The following TUBGCP2 variants were observed in gnomAD, a reference collection of about 807,000 sequenced individuals.
The protein encoded by TUBGCP2 is tubulin gamma complex component 2, also known as gamma-tubulin complex component 2.
In TUBGCP2, 55 loss-of-function variants were observed where a neutral mutation model predicts 92.2. That is an observed-to-expected ratio of 0.60 (90% CI 0.48 to 0.75). The LOEUF (loss-of-function observed/expected upper bound fraction) is 0.75. TUBGCP2 is among the 30% of genes least tolerant of loss of function. TUBGCP2 has a pLI of 0.00. For missense variants in TUBGCP2, 1,093 were observed against 1,188.9 expected, an observed-to-expected ratio of 0.92 and a Z score of 1.19; for synonymous variants, 533 against 505.2, an observed-to-expected ratio of 1.06 and a Z score of -0.74.
intron 5 of TUBGCP2, among the ~76,000 whole-genome samples, chr10:133,297,043 C>A (rs992394965): frequency 6.6e-6 from 1 of 152,148 alleles, no homozygotes; most frequent in Non-Finnish European, 1.5e-5. Flanking sequence ...TTTGGACTAA[C>A]GGGGATGGGG....
At position 133,281,484 on chromosome 10, in the gene TUBGCP2, G is replaced by A. The variant is rs768027231; in HGVS notation, c.2410-48C>T. ...TGAGCCATGCCCACCCCCACCGTGG[G>A]CCTTCTTGGCTCCACACTGTTCCCA... On this transcript the variant is annotated intron_variant, in intron 16 of 17. Coordinates refer to ENST00000252936, the MANE Select transcript of TUBGCP2 (RefSeq NM_006659.4). The A allele has an allele frequency of 2.5e-6, 4 of 1,594,874 alleles. No homozygotes were observed. The African/African-American group carries it at 4.0e-5, about 16-fold the overall frequency.
At chr10:133,281,599 CA>C in intron 16 of TUBGCP2, 163 bp from the exon 17 acceptor site, 1 of 953,826 alleles carries the variant, frequency 1.0e-6, no homozygotes, top group Non-Finnish European at 1.5e-6. Context: ...AAAAAGACAT[CA>C]AAAAACATTC....
intron 9 of TUBGCP2, 99 bp from the exon 10 acceptor site, chr10:133,289,119 G>T: frequency 7.4e-7 from 1 of 1,360,278 alleles, no homozygotes; most frequent in East Asian, 2.4e-5. Context: ...GACATTGAAT[G>T]GGCTCTCCAC....
chr10:133,308,863 CG>C lies in TUBGCP2; in HGVS notation c.-81del. The C allele has an allele frequency of 8.7e-7, 1 of 1,155,246 alleles. No individual in the cohort carries two copies. The highest frequency in any genetic ancestry group is 1.1e-6 in the Non-Finnish European group (1 of 927,584). The allele number at this position is 1,155,246 out of a possible 1,614,324, so 71.6% of individuals were successfully genotyped here. A position where few individuals can be genotyped will look rare whatever the true frequency, so the allele number is the denominator to read the frequency against. Reference sequence around the variant, plus strand: ...ACAGCCCCCGCGCAGCCCCCGACGGCGGCGGAAGTGAGCGTGACGTCACGTC... The same window carrying C: ...ACAGCCCCCGCGCAGCCCCCGACGGCGCGGAAGTGAGCGTGACGTCACGTC... On this transcript the variant is annotated 5_prime_UTR_variant, in exon 1 of 18. Transcript: ENST00000252936.
chr10:133,280,510 T>TTA (rs891297548), intron 17 of TUBGCP2, among the ~76,000 whole-genome samples: 3 of 151,940 alleles, frequency 2.0e-5, no homozygotes, highest in Non-Finnish European at 4.4e-5. Context: ...CCAGGCTAGG[T>TTA]GTTAGTGCAG....
upstream of TUBGCP2, chr10:133,310,550 C>T (rs892406871): frequency 2.8e-5 from 14 of 495,430 alleles, no homozygotes; most frequent in African/African-American, 1.6e-4. Flanking sequence ...TGGGAATGAG[C>T]GGGCGCAGCG....
chr10:133,296,721 C>T (rs992548066), intron 5 of TUBGCP2, among the ~76,000 whole-genome samples: 17 of 152,210 alleles, frequency 1.1e-4, no homozygotes, highest in Admixed American at 9.2e-4. Context: ...AAGGAATCCA[C>T]GCACCTCACC....
intron 9 of TUBGCP2, 102 bp from the exon 10 acceptor site, chr10:133,289,122 C>T: frequency 7.5e-7 from 1 of 1,329,980 alleles, no homozygotes; most frequent in South Asian, 1.4e-5. Context: ...ATTGAATGGG[C>T]TCTCCACACG....
upstream of TUBGCP2, chr10:133,309,235 G>T (rs1038483526): frequency 1.0e-6 from 1 of 975,284 alleles, no homozygotes; most frequent in Non-Finnish European, 1.3e-6. Flanking sequence ...GACCTGAGGT[G>T]GTGGGGCGGG....
At chr10:133,294,394 C>T (rs1847442707) in intron 5 of TUBGCP2, among the ~76,000 whole-genome samples, 1 of 152,214 alleles carries the variant, frequency 6.6e-6, no homozygotes. Context: ...GAGGGCCTGA[C>T]AGGGCCCCGT....
chr10:133,283,970 A>G lies in TUBGCP2; in HGVS notation c.2057T>C (p.Met686Thr). 1.2e-6 allele frequency: 2 copies of G among 1,614,110 alleles called. No homozygotes were observed. Among genetic ancestry groups the G allele is most frequent in the Non-Finnish European group, 1.7e-6 (2 of 1,179,988 alleles). ...FAGAFTLRQRMLNFVQNIQYY... is the reference protein window; with the variant it reads ...FAGAFTLRQRTLNFVQNIQYY... ...TTGAATATTCTGGACGAAGTTGAGC[A>G]TTCGCTGCCGCAGAGTGAAAGCCCC... The change falls in exon 14 of 18, where the codon ATG becomes ACG. Residue 686 changes from methionine to threonine, a missense_variant. Met to Thr is a moderately conservative substitution (Grantham distance 81). This residue lies in a region of TUBGCP2 where 598 missense variants were observed against 675.5 expected (regional missense o/e 0.89). Transcript: ENST00000252936.
At position 133,288,917 on chromosome 10, in the gene TUBGCP2, G is replaced by A. The variant is rs750329170; in HGVS notation, c.1464C>T (p.Ile488=). ...TLKERAYVEQ[I]EKAFNYASKV... is the part of the protein sequence containing the mutation. Reference sequence around the variant, plus strand: ...TGCTGGCGTAGTTAAACGCCTTCTCGATCTGCTCCACATACGCCCGCTCTT... The same window carrying A: ...TGCTGGCGTAGTTAAACGCCTTCTCAATCTGCTCCACATACGCCCGCTCTT... Residue 488 remains isoleucine (I), a synonymous_variant, in exon 10 of 18, where the codon ATC becomes ATT. Transcript: ENST00000252936. 34 of 1,614,088 alleles carry A rather than the reference G, an allele frequency of 2.1e-5. No homozygotes were observed. Among genetic ancestry groups the A allele is most frequent in the Non-Finnish European group, 2.6e-5 (31 of 1,180,040 alleles).
intron 1 of TUBGCP2, 26 bp downstream of exon 1, chr10:133,308,797 C>G (rs973725421): frequency 2.6e-5 from 15 of 585,148 alleles, no homozygotes; most frequent in Non-Finnish European, 3.6e-5. Context: ...TCATCACGCC[C>G]GCGCCCGCGT....
chr10:133,283,692 T>TCGCCCCTCG (rs1847049635), intron 14 of TUBGCP2, among the ~76,000 whole-genome samples, 190 bp downstream of exon 14: 1 of 7,414 alleles, frequency 1.3e-4, no homozygotes, highest in South Asian at 4.8e-3. Flanking sequence ...TCTCCCGCAT[T>TCGCCCCTCG]CCCTGCCTCT....
rs1255295508 is a variant in TUBGCP2 at position 133,284,013 on chromosome 10, C to T, written c.2025-11G>A. On this transcript the variant is annotated splice_polypyrimidine_tract_variant and intron_variant, in intron 13 of 17. Transcript: ENST00000252936. ...AAAGCCCCAGCAAACCTGAGTGACA[C>T]GGAGGACGGAGGACAGCCATGGAGG... is the stretch of plus-strand genomic sequence containing the variant. 9.3e-6 allele frequency: 15 copies of T among 1,612,092 alleles called. No individual in the cohort carries two copies. Among genetic ancestry groups the T allele is most frequent in the Middle Eastern group, 1.8e-4 (1 of 5,576 alleles).
At position 133,293,308 on chromosome 10, in the gene TUBGCP2, G is replaced by A. The variant is rs2136126639; in HGVS notation, c.825-70C>T. The A allele has an allele frequency of 1.9e-6, 3 of 1,543,958 alleles. No homozygotes were observed. In the East Asian group the frequency reaches 6.8e-5, roughly 35 times the overall value. ...GCACATACAATGTCCGATATTCTGA[G>A]TCTCATCCCAAACAGGAAGCAAATG... is the stretch of plus-strand genomic sequence containing the variant. On this transcript the variant is annotated intron_variant, in intron 6 of 17. Coordinates refer to ENST00000252936, the MANE Select transcript of TUBGCP2 (RefSeq NM_006659.4).
chr10:133,309,109 AAG>A (rs770617957), upstream of TUBGCP2: 16 of 1,321,094 alleles, frequency 1.2e-5, no homozygotes, highest in Admixed American at 3.6e-5. Context: ...GCGTGAGCAA[AAG>A]AGGGAAAAAG....
At chr10:133,286,263 G>A (rs1847131826) in intron 11 of TUBGCP2, among the ~76,000 whole-genome samples, 1 of 152,078 alleles carries the variant, frequency 6.6e-6, no homozygotes, top group Admixed American at 6.6e-5. Flanking sequence ...AGACAGCAGC[G>A]TCCTGAGACT....
At chr10:133,310,666 C>T (rs550153154), upstream of TUBGCP2, 24 of 256,068 alleles carry the variant, frequency 9.4e-5, no homozygotes, top group African/African-American at 3.8e-4. Flanking sequence ...CTCCTGCAGC[C>T]GTCGGCCGTG....
Sources: allele counts gnomAD v4.1 joint callset (sites outside exome capture counted in the v4.1 genomes callset), GRCh38; gene constraint gnomAD v4.1.1; regional missense constraint gnomAD v4.1.1; transcripts MANE v1.5; gene names NCBI Gene and HGNC (gene_info 2026-07-23, HGNC 2026-07-21).